LYPD6B: variants seen among roughly 807,000 people sequenced by gnomAD.
The protein encoded by LYPD6B is LY6/PLAUR domain containing 6B, also known as ly6/PLAUR domain-containing protein 6B.
In LYPD6B, 17 loss-of-function variants were observed where a neutral mutation model predicts 22.8. The observed-to-expected ratio is 0.75, with a 90% confidence interval of 0.51 to 1.12. The LOEUF is 1.12. Among genes scored for constraint, LYPD6B ranks in the 50% most tolerant of loss-of-function variants. LYPD6B has a pLI of 0.00. For synonymous variants in LYPD6B, 106 were observed against 91.6 expected, an observed-to-expected ratio of 1.16 and a Z score of -0.90; for missense variants, 221 against 258.3, an observed-to-expected ratio of 0.86 and a Z score of 0.99.
chr2:149,214,824 T>C lies in LYPD6B; in HGVS notation c.*114T>C. 8 of 1,131,326 alleles carry C rather than the reference T, an allele frequency of 7.1e-6. 1 individual carries two copies. The South Asian group carries it at 8.3e-5, about 12-fold the overall frequency. The allele number at this position is 1,131,326 out of a possible 1,614,324, so 70.1% of individuals were successfully genotyped here. The stretch of plus-strand genomic sequence containing the variant: ...CTTGCACTTGGTGAAGAGTGCACAT[T>C]GGACCTCAAGGCGAAAGCCAGTGGT... On this transcript the variant is annotated 3_prime_UTR_variant, in exon 7 of 7. Coordinates refer to ENST00000409642, the MANE Select transcript of LYPD6B (RefSeq NM_177964.5).
intron 1 of LYPD6B, among the ~76,000 whole-genome samples, chr2:149,062,244 C>T (rs1163553394): frequency 6.6e-6 from 1 of 152,204 alleles, no homozygotes; most frequent in Non-Finnish European, 1.5e-5. Context: ...GCCTCGGCCT[C>T]CCAAAGTGCT....
intron 1 of LYPD6B, among the ~76,000 whole-genome samples, chr2:149,127,484 T>C (rs1687769955): frequency 6.6e-6 from 1 of 152,202 alleles, no homozygotes; most frequent in African/African-American, 2.4e-5. Flanking sequence ...CAGCGCTCAG[T>C]CTCTGGTTCC....
intron 1 of LYPD6B, among the ~76,000 whole-genome samples, chr2:149,074,345 A>T (rs1684785939): frequency 6.6e-6 from 1 of 152,168 alleles, no homozygotes; most frequent in Non-Finnish European, 1.5e-5. Context: ...AGTTGCAGTT[A>T]CTTCTAGATA....
intron 2 of LYPD6B, among the ~76,000 whole-genome samples, chr2:149,137,785 A>C (rs1258398268): frequency 6.6e-6 from 1 of 152,222 alleles, no homozygotes; most frequent in Non-Finnish European, 1.5e-5. Flanking sequence ...CTTACAAATA[A>C]ATATTCTATT....
chr2:149,197,574 T>C (rs1415774383), intron 3 of LYPD6B, among the ~76,000 whole-genome samples: 1 of 152,100 alleles, frequency 6.6e-6, no homozygotes, highest in Non-Finnish European at 1.5e-5. Flanking sequence ...GAATTTCAGG[T>C]GTTATTCATA....
intron 2 of LYPD6B, among the ~76,000 whole-genome samples, chr2:149,158,593 A>T (rs574719959): frequency 6.6e-6 from 1 of 152,324 alleles, no homozygotes; most frequent in Admixed American, 6.5e-5. Flanking sequence ...ATGGGAATGG[A>T]TCATGGTGAT....
intron 4 of LYPD6B, chr2:149,206,261 C>A: frequency 4.0e-6 from 1 of 252,728 alleles, no homozygotes; most frequent in Non-Finnish European, 8.0e-6. Context: ...TCTTCTGATA[C>A]GGTTGATACA....
intron 3 of LYPD6B, among the ~76,000 whole-genome samples, chr2:149,178,695 A>G (rs566847331): frequency 6.6e-6 from 1 of 152,348 alleles, no homozygotes; most frequent in South Asian, 2.1e-4. Flanking sequence ...TGATCTTCTA[A>G]GCCTAATGGC....
intron 2 of LYPD6B, among the ~76,000 whole-genome samples, chr2:149,134,064 T>C (rs570899399): frequency 2.0e-5 from 3 of 151,988 alleles, no homozygotes; most frequent in Non-Finnish European, 4.4e-5. Flanking sequence ...GGAAGGGGGC[T>C]GGGGAATGCT....
chr2:149,099,088 G>T lies in LYPD6B; in HGVS notation c.-66-31795G>T, dbSNP rs56147461. ...TCTGCAAAATAAACAAGCTTTGCTG[G>T]TGTGGCCCATTGGACTAGGGAGGAT... On this transcript the variant is annotated intron_variant, in intron 1 of 6. Transcript: ENST00000409642. Among the ~76,000 whole-genome samples, 1,062 of 152,268 alleles carry T rather than the reference G, an allele frequency of 7.0e-3. 17 individuals are homozygous for T. The highest frequency in any genetic ancestry group is 0.024 in the African/African-American group (978 of 41,538).
At chr2:149,137,818 G>A (rs1024800944) in intron 2 of LYPD6B, among the ~76,000 whole-genome samples, 4 of 152,034 alleles carry the variant, frequency 2.6e-5, no homozygotes, top group Non-Finnish European at 4.4e-5. Flanking sequence ...TAGATTGCTG[G>A]AAGTAAACTT....
chr2:149,205,286 C>G lies in LYPD6B; in HGVS notation c.111C>G (p.Val37=), dbSNP rs563490653. ...YKSSDRPAHK[V]SMLLLCHALA... ...GTTCGGACCGCCCAGCACACAAGGT[C>G]AGCATGCTGCTCCTCTGTCACGCTC... is the stretch of plus-strand genomic sequence containing the variant. The change falls in exon 4 of 7, where the codon GTC becomes GTG. Residue 37 remains valine, a synonymous_variant. Coordinates refer to ENST00000409642, the MANE Select transcript of LYPD6B (RefSeq NM_177964.5). 1.2e-6 allele frequency: 2 copies of G among 1,613,904 alleles called. No individual in the cohort carries two copies. The highest frequency in any genetic ancestry group is 1.7e-6 in the Non-Finnish European group (2 of 1,179,814).
chr2:149,197,760 G>A (rs1692904860), intron 3 of LYPD6B, among the ~76,000 whole-genome samples: 1 of 152,146 alleles, frequency 6.6e-6, no homozygotes, highest in African/African-American at 2.4e-5. Context: ...TTCATGGAAG[G>A]GGTTAGGATC....
intron 2 of LYPD6B, among the ~76,000 whole-genome samples, chr2:149,145,405 G>A (rs34619619): frequency 0.51 from 77,263 of 152,024 alleles, 20,202 homozygotes; most frequent in South Asian, 0.69. Flanking sequence ...GATACTAACA[G>A]TTTACTTGGA....
chr2:149,187,993 C>G (rs1692234025), intron 3 of LYPD6B, among the ~76,000 whole-genome samples: 1 of 152,162 alleles, frequency 6.6e-6, no homozygotes, highest in Non-Finnish European at 1.5e-5. Context: ...AAAGTTTTAG[C>G]TGGGAAAACA....
intron 1 of LYPD6B, among the ~76,000 whole-genome samples, chr2:149,051,229 G>A (rs1261440119): frequency 6.6e-6 from 1 of 151,366 alleles, no homozygotes; most frequent in African/African-American, 2.4e-5. Context: ...GCAGTGGCAC[G>A]AACTTGGCTC....
chr2:149,048,529 C>T (rs778088221), intron 1 of LYPD6B, among the ~76,000 whole-genome samples: 3 of 152,098 alleles, frequency 2.0e-5, no homozygotes, highest in Admixed American at 6.5e-5. Context: ...ATTTGTGACC[C>T]GATGCTTGTT....
intron 1 of LYPD6B, among the ~76,000 whole-genome samples, chr2:149,060,030 G>T (rs1284634591): frequency 6.6e-6 from 1 of 152,130 alleles, no homozygotes; most frequent in Non-Finnish European, 1.5e-5. Context: ...GGGAGAAGGA[G>T]GAGGAGGAGG....
chr2:149,103,943 A>AT (rs1356928234), intron 1 of LYPD6B, among the ~76,000 whole-genome samples: 1 of 151,250 alleles, frequency 6.6e-6, no homozygotes, highest in Non-Finnish European at 1.5e-5. Flanking sequence ...CACCCAGCTA[A>AT]TTTTTTATAT....
Sources: allele counts gnomAD v4.1 joint callset (sites outside exome capture counted in the v4.1 genomes callset), GRCh38; gene constraint gnomAD v4.1.1; transcripts MANE v1.5; gene names NCBI Gene and HGNC (gene_info 2026-07-23, HGNC 2026-07-21).